CHN1: variants seen among roughly 807,000 people sequenced by gnomAD.
CHN1 encodes chimerin 1, also known as N-chimaerin.
CHN1 carries 37 observed loss-of-function variants against 59.5 expected under a neutral mutation model. The observed-to-expected ratio is 0.62, with a 90% CI of 0.48 to 0.82. The LOEUF (loss-of-function observed/expected upper bound fraction) is 0.82, where lower values mean the gene tolerates loss of function less well. Among genes scored for constraint, CHN1 ranks in the 40% least tolerant of loss-of-function variants. The probability of loss-of-function intolerance (pLI) is 0.00; values close to 1 mark genes in which losing one functional copy is unlikely to be tolerated. For missense variants in CHN1, 469 were observed against 571.0 expected (o/e 0.82, Z 1.82); for synonymous variants, 206 against 200.4 (o/e 1.03, Z -0.24).
intron 1 of CHN1, among the ~76,000 whole-genome samples, chr2:174,976,269 T>A (rs1690934739): frequency 6.6e-6 from 1 of 151,508 alleles, no homozygotes; most frequent in Non-Finnish European, 1.5e-5. Context: ...CAAATTTATA[T>A]AAATTTCACC....
At chr2:174,812,562 A>C in intron 8 of CHN1, 80 bp from the exon 9 acceptor site, 1 of 1,356,896 alleles carries the variant, frequency 7.4e-7, no homozygotes, top group African/African-American at 1.4e-5. Context: ...TTTTAGCAAA[A>C]GGCACTCCAG....
At chr2:174,988,481 A>C (rs1691427718) in intron 1 of CHN1, among the ~76,000 whole-genome samples, 1 of 152,166 alleles carries the variant, frequency 6.6e-6, no homozygotes, top group African/African-American at 2.4e-5. Context: ...TGTTTCAATA[A>C]AATTAGCACA....
At chr2:174,811,215 C>G (rs1295022815) in intron 10 of CHN1, 1 of 239,602 alleles carries the variant, frequency 4.2e-6, no homozygotes, top group Non-Finnish European at 8.1e-6. Flanking sequence ...ACTCTTTTCT[C>G]TATCATTTTT....
Position 174,871,288 on chromosome 2 carries a change from T to C in CHN1, c.549+6552A>G, listed in dbSNP as rs77050754. Among the ~76,000 whole-genome samples the C allele has an allele frequency of 2.8e-3, 416 of 148,972 alleles. 2 individuals are homozygous for C. Among genetic ancestry groups the C allele is most frequent in the Admixed American group, 4.9e-3 (71 of 14,482 alleles). The stretch of plus-strand genomic sequence containing the variant: ...TTTTCTACCTCTGATGCTTTAACCA[T>C]AGAATGAAGAATGACCCTCTCCACC... On this transcript the variant is annotated intron_variant, in intron 6 of 12. Coordinates refer to ENST00000409900, the MANE Select transcript of CHN1 (RefSeq NM_001822.7).
At chr2:174,886,779 G>A (rs901744461) in intron 5 of CHN1, among the ~76,000 whole-genome samples, 38 of 152,112 alleles carry the variant, frequency 2.5e-4, no homozygotes, top group African/African-American at 8.7e-4. Context: ...TTAGGACTTA[G>A]TGTTCATTAA....
At chr2:174,928,214 T>A (rs566040727) in intron 3 of CHN1, among the ~76,000 whole-genome samples, 1 of 152,330 alleles carries the variant, frequency 6.6e-6, no homozygotes, top group Admixed American at 6.5e-5. Context: ...CAGAAGCCAC[T>A]GCCACTGCCT....
At chr2:174,959,206 C>A (rs1285758615) in intron 1 of CHN1, among the ~76,000 whole-genome samples, 1 of 152,064 alleles carries the variant, frequency 6.6e-6, no homozygotes, top group Non-Finnish European at 1.5e-5. Context: ...CTATATATAC[C>A]ATAAGCTTAA....
intron 5 of CHN1, among the ~76,000 whole-genome samples, chr2:174,885,103 T>A (rs367842712): frequency 2.0e-5 from 3 of 150,424 alleles, no homozygotes; most frequent in Admixed American, 2.0e-4. Context: ...CTGGCTAACA[T>A]GGTGAAACCC....
chr2:174,955,996 T>C (rs949438227), intron 1 of CHN1, among the ~76,000 whole-genome samples: 2 of 152,290 alleles, frequency 1.3e-5, no homozygotes, highest in East Asian at 1.9e-4. Flanking sequence ...AATATTCTCA[T>C]GTAACAAATC....
At chr2:174,852,208 G>A (rs1686755134) in intron 6 of CHN1, among the ~76,000 whole-genome samples, 1 of 152,040 alleles carries the variant, frequency 6.6e-6, no homozygotes, top group South Asian at 2.1e-4. Context: ...AGAATCACGT[G>A]AACCTGGGAG....
chr2:174,891,215 T>C (rs962035259), intron 5 of CHN1, among the ~76,000 whole-genome samples: 3 of 131,718 alleles, frequency 2.3e-5, no homozygotes, highest in Admixed American at 2.2e-4. Flanking sequence ...TCAAATAATA[T>C]ACTCTTGGAA....
At chr2:174,847,412 C>T (rs1172657597) in intron 6 of CHN1, 1 of 1,212,258 alleles carries the variant, frequency 8.2e-7, no homozygotes, top group Non-Finnish European at 1.0e-6. Context: ...AGAGTCGATG[C>T]TAACATACAA....
intron 2 of CHN1, among the ~76,000 whole-genome samples, chr2:174,949,107 T>G (rs952420075): frequency 6.6e-6 from 1 of 152,172 alleles, no homozygotes; most frequent in Non-Finnish European, 1.5e-5. Flanking sequence ...TACTAAAATA[T>G]AAAGATTCCT....
intron 8 of CHN1, among the ~76,000 whole-genome samples, chr2:174,821,035 A>G (rs1007915460): frequency 6.6e-6 from 1 of 152,218 alleles, no homozygotes; most frequent in African/African-American, 2.4e-5. Flanking sequence ...TTTTCTTTGG[A>G]AAGAATACCT....
chr2:174,924,046 C>G (rs545708783), intron 3 of CHN1, among the ~76,000 whole-genome samples: 3 of 152,032 alleles, frequency 2.0e-5, no homozygotes, highest in African/African-American at 7.2e-5. Flanking sequence ...CAATATACTA[C>G]CCTAAAACAT....
At chr2:174,852,974 T>A (rs1415767542) in intron 6 of CHN1, among the ~76,000 whole-genome samples, 3 of 152,126 alleles carry the variant, frequency 2.0e-5, no homozygotes, top group Non-Finnish European at 1.5e-5. Context: ...GATTTAAAGA[T>A]CTCAAACTAT....
chr2:174,918,630 AT>A, intron 3 of CHN1, 65 bp from the exon 4 acceptor site: 1 of 1,293,866 alleles, frequency 7.7e-7, no homozygotes, highest in Non-Finnish European at 1.1e-6. Context: ...ATAACTCAAC[AT>A]TTTGTGCATG....
intron 5 of CHN1, among the ~76,000 whole-genome samples, chr2:174,913,258 C>T (rs1266929643): frequency 1.3e-5 from 2 of 152,148 alleles, no homozygotes; most frequent in Non-Finnish European, 2.9e-5. Flanking sequence ...GGGGAAATGG[C>T]AACCAAAAGG....
Position 174,845,093 on chromosome 2 carries a change from C to T in CHN1, c.627+1787G>A, listed in dbSNP as rs927021133. Among the ~76,000 whole-genome samples the T allele has an allele frequency of 2.0e-5, 3 of 152,108 alleles. No individual in the cohort carries two copies. In the East Asian group the frequency reaches 5.8e-4, roughly 29 times the overall value. ...AAAGCCATGTGTTAAAATTGAGAAA[C>T]AACTGGAAGATACAAACACAAAAAG... On this transcript the variant is annotated intron_variant, in intron 7 of 12. Transcript: ENST00000409900.
Sources: gnomAD v4.1 joint callset for allele counts (sites outside exome capture counted in the v4.1 genomes callset) on GRCh38, gnomAD v4.1.1 for gene constraint, MANE v1.5 for transcripts, NCBI Gene and HGNC (gene_info 2026-07-23, HGNC 2026-07-21) for gene names.